FBXL5: variants seen among roughly 807,000 people sequenced by gnomAD.
FBXL5 encodes the protein F-box/LRR-repeat protein 5.
In FBXL5, 26 loss-of-function variants were observed where a neutral mutation model predicts 78.3. The observed-to-expected ratio is 0.33, with a 90% CI of 0.24 to 0.46. FBXL5 has a LOEUF of 0.46. Among genes scored for constraint, FBXL5 ranks in the 20% least tolerant of loss-of-function variants. FBXL5 has a pLI of 1.00. For synonymous variants in FBXL5, 295 were observed against 282.5 expected (o/e 1.04, Z -0.45); for missense variants, 710 against 829.2 (o/e 0.86, Z 1.77).
chr4:15,608,088 C>G (rs1722004582), intron 10 of FBXL5, among the ~76,000 whole-genome samples: 1 of 151,898 alleles, frequency 6.6e-6, no homozygotes, highest in Non-Finnish European at 1.5e-5. Context: ...AGTCAGTTTC[C>G]AAAAACATAC....
chr4:15,651,027 C>T (rs780946409), intron 1 of FBXL5, among the ~76,000 whole-genome samples: 8 of 152,080 alleles, frequency 5.3e-5, no homozygotes, highest in Admixed American at 2.0e-4. Flanking sequence ...CACTTAAAGA[C>T]GATACAGTAC....
At chr4:15,661,972 T>TA (rs1717332296), upstream of FBXL5, among the ~76,000 whole-genome samples, 1 of 152,252 alleles carries the variant, frequency 6.6e-6, no homozygotes. Context: ...TCTATGGAGT[T>TA]ACTTATAATA....
rs781119496 is a variant in FBXL5 at position 15,641,842 on chromosome 4, C to T, written c.301-959G>A. On this transcript the variant is annotated intron_variant, in intron 2 of 10. Coordinates refer to ENST00000341285, the MANE Select transcript of FBXL5 (RefSeq NM_012161.4). ...AGGAGTTCAAGACCAGCCAGCCCAACGCGGCGAAACCCTGTCTCTACTAAA... is the reference window on the plus strand; with the variant it reads ...AGGAGTTCAAGACCAGCCAGCCCAATGCGGCGAAACCCTGTCTCTACTAAA... Among the ~76,000 whole-genome samples the T allele has an allele frequency of 3.9e-5, 6 of 151,990 alleles. No individual in the cohort carries two copies. The East Asian group carries it at 7.7e-4, about 20-fold the overall frequency.
chr4:15,644,546 T>C lies in FBXL5; in HGVS notation c.247A>G (p.Asn83Asp). 1 of 1,614,098 alleles carries C rather than the reference T, an allele frequency of 6.2e-7. No individual in the cohort carries two copies. Among genetic ancestry groups the C allele is most frequent in the South Asian group, 1.1e-5 (1 of 91,074 alleles). Residue 83 changes from asparagine (N) to aspartate (D), a missense_variant, in exon 2 of 11, where the codon AAT (asparagine) becomes GAT (aspartate). Transcript: ENST00000341285. Reference protein sequence around the residue: ...SQTIYNVHSDNKLSEMLSLFE... With the variant: ...SQTIYNVHSDDKLSEMLSLFE... ...AGGCTAAGCATCTCGGAGAGTTTAT[T>C]GTCAGAATGTACATTATAAATGGTC...
intron 9 of FBXL5, among the ~76,000 whole-genome samples, chr4:15,617,149 T>A (rs191768009): frequency 2.0e-5 from 3 of 152,330 alleles, no homozygotes; most frequent in African/African-American, 7.2e-5. Context: ...CATTCTATTA[T>A]AAAGACATAT....
At chr4:15,675,981 T>A (rs1023944133) in intron 1 of FBXL5, among the ~76,000 whole-genome samples, 1 of 152,132 alleles carries the variant, frequency 6.6e-6, no homozygotes, top group African/African-American at 2.4e-5. Flanking sequence ...TGAGACAAAA[T>A]TTTAAAAGGA....
chr4:15,638,499 G>A lies in FBXL5; in HGVS notation c.583+9C>T. 6.4e-7 allele frequency: 1 copy of A among 1,560,402 alleles called. No individual in the cohort carries two copies. Among genetic ancestry groups the A allele is most frequent in the South Asian group, 1.2e-5 (1 of 84,670 alleles). ...CTAATAAATTGTTCTTTATATATAT[G>A]AATCTCACCTTTATCTGACTTTTCA... On this transcript the variant is annotated intron_variant, in intron 4 of 10. Transcript: ENST00000341285.
chr4:15,615,260 C>T (rs1043063182), intron 9 of FBXL5, among the ~76,000 whole-genome samples: 1 of 152,140 alleles, frequency 6.6e-6, no homozygotes. Context: ...TGCTCCACGG[C>T]ACCCAGTCCC....
Position 15,626,918 on chromosome 4 carries a change from T to C in FBXL5, c.1079A>G (p.His360Arg). Residue 360 changes from histidine (H) to arginine (R), a missense_variant, in exon 8 of 11, where the codon CAT becomes CGT. This residue lies in a region of FBXL5 where 517 missense variants were observed against 542.9 expected (regional missense o/e 0.95). Coordinates refer to ENST00000341285, the MANE Select transcript of FBXL5 (RefSeq NM_012161.4). ...QILELCPNLEHLDLTQTDISD... is the reference protein window; with the variant it reads ...QILELCPNLERLDLTQTDISD... Reference sequence around the variant, plus strand: ...AATGTCAGTCTGGGTAAGATCCAGATGCTCCAGGTTAGGACAAAGCTCTAA... The same window carrying C: ...AATGTCAGTCTGGGTAAGATCCAGACGCTCCAGGTTAGGACAAAGCTCTAA... The C allele has an allele frequency of 6.2e-7, 1 of 1,612,376 alleles. No homozygotes were observed. Among genetic ancestry groups the C allele is most frequent in the Non-Finnish European group, 8.5e-7 (1 of 1,179,148 alleles).
At chr4:15,679,638 C>A (rs1265885657) in intron 1 of FBXL5, among the ~76,000 whole-genome samples, 1 of 150,938 alleles carries the variant, frequency 6.6e-6, no homozygotes, top group Non-Finnish European at 1.5e-5. Flanking sequence ...TAAAATTAAG[C>A]CTTCTTATCA....
At chr4:15,636,261 T>TC in intron 5 of FBXL5, 1 of 373,472 alleles carries the variant, frequency 2.7e-6, no homozygotes, top group Non-Finnish European at 4.8e-6. Flanking sequence ...TTGCATCCCC[T>TC]CCCACAAATA....
At chr4:15,636,111 ATTAT>A (rs1480699693) in intron 5 of FBXL5, among the ~76,000 whole-genome samples, 12 of 152,192 alleles carry the variant, frequency 7.9e-5, no homozygotes, top group Non-Finnish European at 1.5e-4. Context: ...ATTAAACATA[ATTAT>A]TTAAAGCAGT....
chr4:15,655,095 C>A (rs1716703263), intron 1 of FBXL5, 109 bp downstream of exon 1: 8 of 863,348 alleles, frequency 9.3e-6, no homozygotes, highest in Non-Finnish European at 1.2e-5. Flanking sequence ...ACTCGCGCGG[C>A]GACGGCACGG....
chr4:15,610,369 C>T (rs1197992093), intron 10 of FBXL5, among the ~76,000 whole-genome samples: 2 of 152,082 alleles, frequency 1.3e-5, no homozygotes, highest in Admixed American at 1.3e-4. Flanking sequence ...TCCATTCCCC[C>T]AAATCATGCT....
chr4:15,625,705 G>C lies in FBXL5; in HGVS notation c.1397C>G (p.Thr466Ser). The C allele has an allele frequency of 6.2e-7, 1 of 1,614,228 alleles. No individual in the cohort carries two copies. Among genetic ancestry groups the C allele is most frequent in the Non-Finnish European group, 8.5e-7 (1 of 1,180,038 alleles). The change falls in exon 9 of 11, where the codon ACT becomes AGT. Residue 466 changes from threonine to serine, a missense_variant. Thr to Ser is a moderately conservative substitution (Grantham distance 58, BLOSUM62 1). Coordinates refer to ENST00000341285, the MANE Select transcript of FBXL5 (RefSeq NM_012161.4). ...GEEIDNEHPW[T>S]KPVSSENFTS... Reference sequence around the variant, plus strand: ...GAAATTCTCAGAAGAAACAGGCTTAGTCCAGGGGTGTTCATTATCTATTTC... The same window carrying C: ...GAAATTCTCAGAAGAAACAGGCTTACTCCAGGGGTGTTCATTATCTATTTC...
chr4:15,677,088 A>G (rs1718022308), intron 1 of FBXL5, among the ~76,000 whole-genome samples: 1 of 152,190 alleles, frequency 6.6e-6, no homozygotes, highest in South Asian at 2.1e-4. Context: ...AACTATAATA[A>G]ACTCTGAAGA....
intron 5 of FBXL5, among the ~76,000 whole-genome samples, chr4:15,633,834 A>C (rs1713944750): frequency 6.6e-6 from 1 of 152,238 alleles, no homozygotes; most frequent in Admixed American, 6.5e-5. Flanking sequence ...TCCTGAGCTC[A>C]GGCAATCTGC....
chr4:15,667,981 C>T (rs920735524), intron 1 of FBXL5, among the ~76,000 whole-genome samples: 5 of 150,100 alleles, frequency 3.3e-5, no homozygotes, highest in Admixed American at 1.3e-4. Flanking sequence ...GTGGAGGTTG[C>T]GGTGAGCCAA....
At chr4:15,670,953 TCA>T (rs1717741971) in intron 1 of FBXL5, among the ~76,000 whole-genome samples, 1 of 121,240 alleles carries the variant, frequency 8.2e-6, no homozygotes, top group East Asian at 2.7e-4. Context: ...AGATCGAGTC[TCA>T]CTCTGTTGCC....
Sources: gnomAD v4.1 joint callset for allele counts (sites outside exome capture counted in the v4.1 genomes callset) on GRCh38, gnomAD v4.1.1 for gene constraint, gnomAD v4.1.1 regional missense constraint, MANE v1.5 for transcripts, NCBI Gene and HGNC (gene_info 2026-07-23, HGNC 2026-07-21) for gene names.